Variants in SMC6 observed in about 807,000 individuals in gnomAD.
The protein encoded by SMC6 is structural maintenance of chromosomes protein 6.
SMC6 carries 79 observed loss-of-function variants against 142.2 expected under a neutral mutation model. The observed-to-expected ratio is 0.56, with a 90% confidence interval of 0.46 to 0.67. The LOEUF (loss-of-function observed/expected upper bound fraction) is 0.67, where lower values mean the gene tolerates loss of function less well. SMC6 is among the 30% of genes least tolerant of loss of function. The pLI, the probability that SMC6 is intolerant of heterozygous loss-of-function variation, is 0.00. For missense variants in SMC6, 1,072 were observed against 1,284.0 expected, an observed-to-expected ratio of 0.83 and a Z score of 2.52; for synonymous variants, 411 against 412.4, an observed-to-expected ratio of 1.00 and a Z score of 0.04.
chr2:17,687,091 A>G (rs1181601659), intron 23 of SMC6, among the ~76,000 whole-genome samples: 2 of 152,222 alleles, frequency 1.3e-5, no homozygotes, highest in Non-Finnish European at 2.9e-5. Flanking sequence ...CAACCTGTAC[A>G]ATGTTGGCGC....
At position 17,714,958 on chromosome 2, in the gene SMC6, G is replaced by C. The variant is rs771193533; in HGVS notation, c.1633C>G (p.Leu545Val). Residue 545 changes from leucine to valine, a missense_variant, in exon 16 of 28, where the codon CTT becomes GTT. Physicochemically the swap from Leu to Val is conservative, Grantham distance 32. Around this residue, in one of 3 missense-constraint regions of SMC6, gnomAD observed 994 missense variants for 1,153.2 expected, o/e 0.86. Coordinates refer to ENST00000448223, the MANE Select transcript of SMC6 (RefSeq NM_001142286.2). ...TAAAACCTTTTCATGAGTGCCTGAAGGACCCTTTCATCAGCATGATTATGG... is the reference window on the plus strand; with the variant it reads ...TAAAACCTTTTCATGAGTGCCTGAACGACCCTTTCATCAGCATGATTATGG... ...CCHNHADERV[L>V]QALMKRFYLP... The C allele has an allele frequency of 6.2e-7, 1 of 1,614,006 alleles. No individual in the cohort carries two copies. The highest frequency in any genetic ancestry group is 1.1e-5 in the South Asian group (1 of 91,080).
rs1438292770 is a variant in SMC6, at chr2:17,731,097, A to C, written c.524T>G (p.Leu175Arg). 2 of 1,612,948 alleles carry C rather than the reference A, an allele frequency of 1.2e-6. No individual in the cohort carries two copies. The stretch of plus-strand genomic sequence containing the variant: ...AATTACCTGGATGTTAAAATGATCA[A>C]GAATTGCAATCAGCTCTTCTTTCCT... ...STRKEELIAI[L>R]DHFNIQVDNP... The change falls in exon 7 of 28, where the codon CTT (leucine) becomes CGT (arginine). Residue 175 changes from leucine to arginine, a missense_variant. Transcript: ENST00000448223.
intron 7 of SMC6, 57 bp from the exon 8 acceptor site, chr2:17,726,526 T>A (rs974347538): frequency 1.4e-6 from 2 of 1,445,774 alleles, no homozygotes; most frequent in East Asian, 2.3e-5. Flanking sequence ...TAAAGATAGG[T>A]AAAAACTGAA....
intron 25 of SMC6, among the ~76,000 whole-genome samples, chr2:17,672,509 C>G (rs1423840230): frequency 1.3e-5 from 2 of 152,082 alleles, no homozygotes; most frequent in Non-Finnish European, 2.9e-5. Flanking sequence ...CATACACACA[C>G]CTGGGTAACC....
intron 2 of SMC6, among the ~76,000 whole-genome samples, chr2:17,748,043 T>C (rs1021848753): frequency 6.6e-6 from 1 of 152,192 alleles, no homozygotes; most frequent in African/African-American, 2.4e-5. Flanking sequence ...TACAGGGGGA[T>C]ACTAAAAGCA....
chr2:17,695,485 AC>A (rs1667946344), intron 22 of SMC6, among the ~76,000 whole-genome samples, 188 bp from the exon 23 acceptor site: 1 of 152,180 alleles, frequency 6.6e-6, no homozygotes, highest in African/African-American at 2.4e-5. Context: ...CAGAGTAATG[AC>A]CTCAAGAGAA....
chr2:17,735,102 A>G (rs565614693), intron 5 of SMC6, among the ~76,000 whole-genome samples: 1 of 152,054 alleles, frequency 6.6e-6, no homozygotes, highest in East Asian at 1.9e-4. Context: ...AAAGCCTCAT[A>G]ATTACTGCTA....
At chr2:17,682,350 T>C (rs1352746857) in intron 24 of SMC6, among the ~76,000 whole-genome samples, 1 of 152,140 alleles carries the variant, frequency 6.6e-6, no homozygotes, top group Non-Finnish European at 1.5e-5. Flanking sequence ...AGGAAACAAA[T>C]TGAACCCCAC....
At chr2:17,722,447 C>A (rs1424143492) in intron 9 of SMC6, among the ~76,000 whole-genome samples, 1 of 152,154 alleles carries the variant, frequency 6.6e-6, no homozygotes, top group Non-Finnish European at 1.5e-5. Flanking sequence ...ACTTGCTCAT[C>A]TTTCCAACTT....
At chr2:17,720,139 G>C (rs1184405738) in intron 11 of SMC6, among the ~76,000 whole-genome samples, 2 of 152,162 alleles carry the variant, frequency 1.3e-5, no homozygotes, top group Non-Finnish European at 1.5e-5. Context: ...CTAAAACCCA[G>C]TGAATTATAC....
At chr2:17,707,410 A>C in intron 17 of SMC6, 31 bp from the exon 18 acceptor site, 1 of 1,387,100 alleles carries the variant, frequency 7.2e-7, no homozygotes, top group Admixed American at 2.8e-5. Flanking sequence ...AAATTTTTTA[A>C]GACGATGTGA....
rs571534037 is a variant in SMC6 at position 17,711,811 on chromosome 2, G to A, written c.1730+3050C>T. ...TTTTTGTATCTTAGGTAGAAACGGC[G>A]TTTCACCACATTACCCAGGCTGGTC... On this transcript the variant is annotated intron_variant, in intron 16 of 27. Coordinates refer to ENST00000448223, the MANE Select transcript of SMC6 (RefSeq NM_001142286.2). Among the ~76,000 whole-genome samples, 7 of 152,150 alleles carry A rather than the reference G, an allele frequency of 4.6e-5. No individual in the cohort carries two copies. The South Asian group carries it at 6.2e-4, about 14-fold the overall frequency.
intron 3 of SMC6, among the ~76,000 whole-genome samples, chr2:17,742,659 C>T (rs530664627): frequency 2.2e-3 from 334 of 152,232 alleles, no homozygotes; most frequent in African/African-American, 7.3e-3. Context: ...TCTGGACATA[C>T]GTCTTACTAA....
intron 10 of SMC6, 25 bp downstream of exon 10, chr2:17,721,117 G>A: frequency 6.2e-7 from 1 of 1,610,494 alleles, no homozygotes. Flanking sequence ...ATAGATACGT[G>A]AACAAGTAAT....
chr2:17,665,738 A>G (rs1272985724), intron 27 of SMC6, 125 bp from the exon 28 acceptor site: 1 of 476,326 alleles, frequency 2.1e-6, no homozygotes. Flanking sequence ...TATATCTAAT[A>G]TCTAGAGTTC....
At chr2:17,748,769 T>C (rs911496814) in intron 2 of SMC6, among the ~76,000 whole-genome samples, 6 of 152,226 alleles carry the variant, frequency 3.9e-5, no homozygotes, top group Non-Finnish European at 7.3e-5. Context: ...CAACATTTAA[T>C]GCCCTTTTAG....
chr2:17,673,107 C>T (rs1038874212), intron 25 of SMC6, among the ~76,000 whole-genome samples: 2 of 152,138 alleles, frequency 1.3e-5, no homozygotes, highest in Non-Finnish European at 2.9e-5. Context: ...ATCATCATAA[C>T]GGTGTGACAG....
intron 9 of SMC6, among the ~76,000 whole-genome samples, chr2:17,722,686 C>T (rs1244879090): frequency 6.6e-6 from 1 of 152,142 alleles, no homozygotes; most frequent in East Asian, 1.9e-4. Context: ...CATGTAGTGT[C>T]GGACCACATG....
intron 23 of SMC6, among the ~76,000 whole-genome samples, chr2:17,686,552 C>G (rs1667464392): frequency 6.6e-6 from 1 of 152,050 alleles, no homozygotes; most frequent in African/African-American, 2.4e-5. Context: ...TGATATGATG[C>G]CAAAAGTGAA....
Sources: allele counts gnomAD v4.1 joint callset (sites outside exome capture counted in the v4.1 genomes callset), GRCh38; gene constraint gnomAD v4.1.1; regional missense constraint gnomAD v4.1.1; transcripts MANE v1.5; gene names NCBI Gene and HGNC (gene_info 2026-07-23, HGNC 2026-07-21).